Variants in KDM5A observed in about 807,000 individuals in gnomAD.
KDM5A encodes lysine-specific demethylase 5A.
KDM5A carries 42 observed loss-of-function variants against 193.5 expected under a neutral mutation model. The ratio of observed to expected loss-of-function variants is 0.22; its 90% confidence interval spans 0.17 to 0.28. The LOEUF is 0.28. Among genes scored for constraint, KDM5A ranks in the 10% least tolerant of loss-of-function variants. The probability of loss-of-function intolerance (pLI) is 1.00; values close to 1 mark genes in which losing one functional copy is unlikely to be tolerated. For synonymous variants in KDM5A, 796 were observed against 718.1 expected (o/e 1.11, Z -1.73); for missense variants, 1,692 against 2,055.1 (o/e 0.82, Z 3.42).
chr12:307,577 T>G lies in KDM5A; in HGVS notation c.3807A>C (p.Leu1269=). ...CAGATAGTTTGGCCAGGGCAGAGGATAGTTCATCTGTGGCTAGAGCCTGCC... is the reference window on the plus strand; with the variant it reads ...CAGATAGTTTGGCCAGGGCAGAGGAGAGTTCATCTGTGGCTAGAGCCTGCC... ...RARQALATDE[L]SSALAKLSVL... Residue 1269 remains leucine, a synonymous_variant, in exon 23 of 28, where the codon CTA becomes CTC. Coordinates refer to ENST00000399788, the MANE Select transcript of KDM5A (RefSeq NM_001042603.3). This position sits in a 1 kb window ranked among gnomAD's most constrained non-coding sequence, Gnocchi z 4.3. The G allele has an allele frequency of 1.2e-6, 2 of 1,614,130 alleles. No individual in the cohort carries two copies. Among genetic ancestry groups the G allele is most frequent in the Non-Finnish European group, 1.7e-6 (2 of 1,180,016 alleles).
intron 10 of KDM5A, among the ~76,000 whole-genome samples, chr12:344,936 T>C (rs1944051168): frequency 6.6e-6 from 1 of 152,116 alleles, no homozygotes; most frequent in Non-Finnish European, 1.5e-5. Flanking sequence ...TAAATGTAAA[T>C]GGGCTAAATG....
chr12:359,112 T>G (rs1944262742), intron 5 of KDM5A, among the ~76,000 whole-genome samples: 1 of 151,888 alleles, frequency 6.6e-6, no homozygotes, highest in Admixed American at 6.6e-5. Context: ...AAAATTAAAC[T>G]CCCAACTCAG....
At chr12:341,505 T>C (rs1428052672) in intron 10 of KDM5A, among the ~76,000 whole-genome samples, 1 of 151,536 alleles carries the variant, frequency 6.6e-6, no homozygotes, top group East Asian at 1.9e-4. Context: ...AACATGAGGA[T>C]AGAACCAAAT....
chr12:283,287 T>C lies in KDM5A; in HGVS notation c.*2169A>G. The C allele has an allele frequency of 4.3e-6, 1 of 232,020 alleles. No individual in the cohort carries two copies. Among genetic ancestry groups the C allele is most frequent in the Admixed American group, 5.6e-5 (1 of 17,764 alleles). The allele number at this position is 232,020 out of a possible 1,614,324, so 14.4% of individuals were successfully genotyped here. On this transcript the variant is annotated 3_prime_UTR_variant, in exon 28 of 28. Coordinates refer to ENST00000399788, the MANE Select transcript of KDM5A (RefSeq NM_001042603.3). ...TTGTATAACATCAACCAGAGGAAAT[T>C]CTTAATTGATAATCGTTAGCTTGGC...
chr12:349,387 G>C (rs1310807537), intron 10 of KDM5A, among the ~76,000 whole-genome samples: 2 of 144,486 alleles, frequency 1.4e-5, no homozygotes, highest in East Asian at 4.2e-4. Flanking sequence ...CTGGAGTGCA[G>C]TGGCATGATC....
At chr12:369,947 T>C (rs756638446) in intron 3 of KDM5A, among the ~76,000 whole-genome samples, 3 of 152,228 alleles carry the variant, frequency 2.0e-5, no homozygotes, top group South Asian at 2.1e-4. Flanking sequence ...GATACGGCCA[T>C]GACAAAGGAA....
intron 10 of KDM5A, among the ~76,000 whole-genome samples, chr12:337,319 T>A (rs1591919634): frequency 6.6e-6 from 1 of 152,234 alleles, no homozygotes; most frequent in Non-Finnish European, 1.5e-5. Context: ...AAGAATGGAC[T>A]AATAAAGATT....
chr12:353,461 T>C (rs1289027419), intron 8 of KDM5A, among the ~76,000 whole-genome samples: 1 of 152,192 alleles, frequency 6.6e-6, no homozygotes, highest in Non-Finnish European at 1.5e-5. Context: ...GAGAAAAAAC[T>C]ATGTTTTTCT....
At chr12:385,098 G>A (rs1002178346) in intron 2 of KDM5A, among the ~76,000 whole-genome samples, 21 of 150,878 alleles carry the variant, frequency 1.4e-4, no homozygotes, top group African/African-American at 4.2e-4. Context: ...CAGGAGAATC[G>A]CTTGAACCCG....
intron 5 of KDM5A, among the ~76,000 whole-genome samples, chr12:358,750 G>C (rs1331786885): frequency 3.3e-5 from 5 of 152,016 alleles, no homozygotes; most frequent in Non-Finnish European, 7.4e-5. Context: ...GAGGCGGGTG[G>C]ATCACAAGGT....
rs1026169682 is a variant in KDM5A, at chr12:352,338, A to T, written c.1030-14T>A. 2.5e-6 allele frequency: 4 copies of T among 1,611,688 alleles called. No homozygotes were observed. Among genetic ancestry groups the T allele is most frequent in the Non-Finnish European group, 8.5e-7 (1 of 1,177,800 alleles). ...TTTGCTACATTCCTGGAAAGAAAAA[A>T]TATGTAAGATTAACTTACTGAAACT... On this transcript the variant is annotated splice_polypyrimidine_tract_variant and intron_variant, in intron 8 of 27. Transcript: ENST00000399788.
chr12:355,220 T>C lies in KDM5A; in HGVS notation c.808A>G (p.Asn270Asp), dbSNP rs1265206990. 2 of 1,612,824 alleles carry C rather than the reference T, an allele frequency of 1.2e-6. No homozygotes were observed. Among genetic ancestry groups the C allele is most frequent in the South Asian group, 1.1e-5 (1 of 91,064 alleles). ...TGCATGTTAAATGCGTCTGACCTGTTGGTAACTTTTCGTCTTCGGGTGACC... is the reference window on the plus strand; with the variant it reads ...TGCATGTTAAATGCGTCTGACCTGTCGGTAACTTTTCGTCTTCGGGTGACC... ...DEVTRRRKVT[N>D]RSDAFNMQMR... The change falls in exon 7 of 28, where the codon AAC becomes GAC. Residue 270 changes from asparagine to aspartate, a missense_variant. This residue lies in a region of KDM5A where 134 missense variants were observed against 124.2 expected (regional missense o/e 1.08). Transcript: ENST00000399788.
chr12:335,780 A>T (rs1271630124), intron 10 of KDM5A, among the ~76,000 whole-genome samples: 3 of 152,088 alleles, frequency 2.0e-5, no homozygotes, highest in Middle Eastern at 3.4e-3. Context: ...GGTGGCTCAC[A>T]TCTGTAATCC....
intron 1 of KDM5A, among the ~76,000 whole-genome samples, chr12:387,923 A>G (rs1944664464): frequency 6.6e-6 from 1 of 152,202 alleles, no homozygotes; most frequent in African/African-American, 2.4e-5. Context: ...ATCATTACTA[A>G]TACTAGACAA....
At chr12:356,666 CCACT>C (rs1289331109) in intron 5 of KDM5A, 129 bp from the exon 6 acceptor site, 1 of 683,620 alleles carries the variant, frequency 1.5e-6, no homozygotes, top group African/African-American at 1.8e-5. Flanking sequence ...TTCTGTAAAT[CCACT>C]CACTGCCTCA....
At chr12:295,041 T>C (rs1483112648) in intron 26 of KDM5A, among the ~76,000 whole-genome samples, 1 of 152,202 alleles carries the variant, frequency 6.6e-6, no homozygotes, top group East Asian at 1.9e-4. Context: ...TCATAGTCAC[T>C]ATATATTTTC....
chr12:329,809 T>C (rs1280987236), intron 13 of KDM5A, among the ~76,000 whole-genome samples: 4 of 152,130 alleles, frequency 2.6e-5, no homozygotes, highest in Admixed American at 6.5e-5. Context: ...CCTACACGTA[T>C]ATACGCACTC....
intron 5 of KDM5A, among the ~76,000 whole-genome samples, chr12:359,661 T>C (rs1490742613): frequency 4.7e-5 from 7 of 147,384 alleles, no homozygotes; most frequent in African/African-American, 1.8e-4. Context: ...AGGATGGCTT[T>C]AGCCCAGGAG....
At chr12:319,078 G>GC (rs1300843367) in intron 18 of KDM5A, among the ~76,000 whole-genome samples, 1 of 152,164 alleles carries the variant, frequency 6.6e-6, no homozygotes, top group Non-Finnish European at 1.5e-5. Flanking sequence ...GAGAAATGTT[G>GC]TTAAAAAATA....
Sources: gnomAD v4.1 joint callset for allele counts (sites outside exome capture counted in the v4.1 genomes callset) on GRCh38, gnomAD v4.1.1 for gene constraint, gnomAD v4.1.1 regional missense constraint, Gnocchi (gnomAD v3.1) non-coding constraint, MANE v1.5 for transcripts, NCBI Gene and HGNC (gene_info 2026-07-23, HGNC 2026-07-21) for gene names.